PIK3C2G: variants seen among roughly 807,000 people sequenced by gnomAD.
PIK3C2G encodes phosphatidylinositol 3-kinase C2 domain-containing subunit gamma.
In PIK3C2G, 168 loss-of-function variants were observed where a neutral mutation model predicts 181.1. The observed-to-expected ratio is 0.93, with a 90% confidence interval of 0.82 to 1.05. PIK3C2G has a LOEUF of 1.05. Among genes scored for constraint, PIK3C2G ranks in the 50% least tolerant of loss-of-function variants. PIK3C2G has a pLI of 0.00. For missense variants in PIK3C2G, 1,869 were observed against 1,732.8 expected (o/e 1.08, Z -1.40); for synonymous variants, 573 against 592.2 (o/e 0.97, Z 0.47).
chr12:18,559,866 A>AGG (rs1491532709), intron 26 of PIK3C2G, among the ~76,000 whole-genome samples: 10 of 124,114 alleles, frequency 8.1e-5, no homozygotes, highest in Non-Finnish European at 1.3e-4. Flanking sequence ...AGAGAGAGAG[A>AGG]CAGTTTTGCT....
In PIK3C2G at chr12:18,609,589, A is replaced by C. The variant is rs776357276; in HGVS notation, c.4142A>C (p.Asp1381Ala). ...PKVQLVISYE[D>A]VKLTILVKHM... ...GTGCAGTTAGTCATATCCTACGAGGATGTGAAGCTGACCATACTAGTGAAA... is the reference window on the plus strand; with the variant it reads ...GTGCAGTTAGTCATATCCTACGAGGCTGTGAAGCTGACCATACTAGTGAAA... The change falls in exon 31 of 33, where the codon GAT becomes GCT. Residue 1381 changes from aspartate to alanine, a missense_variant. Physicochemically the swap from Asp to Ala is moderately radical, Grantham distance 126. Coordinates refer to ENST00000538779, the MANE Select transcript of PIK3C2G (RefSeq NM_001288772.2). The C allele has an allele frequency of 1.3e-6, 2 of 1,587,846 alleles. No individual in the cohort carries two copies. Among genetic ancestry groups the C allele is most frequent in the Non-Finnish European group, 1.7e-6 (2 of 1,165,366 alleles).
chr12:18,641,151 A>T (rs1949819694), intron 32 of PIK3C2G, among the ~76,000 whole-genome samples: 2 of 151,842 alleles, frequency 1.3e-5, no homozygotes, highest in Non-Finnish European at 2.9e-5. Context: ...CATCCACAGG[A>T]TCCTCCACTC....
chr12:18,636,755 A>G (rs1457669933), intron 31 of PIK3C2G, among the ~76,000 whole-genome samples: 1 of 151,976 alleles, frequency 6.6e-6, no homozygotes, highest in Non-Finnish European at 1.5e-5. Flanking sequence ...GGTGGGATTC[A>G]CCCCCAACCC....
At chr12:18,431,029 A>G (rs780532009) in intron 18 of PIK3C2G, among the ~76,000 whole-genome samples, 14 of 152,058 alleles carry the variant, frequency 9.2e-5, no homozygotes, top group Non-Finnish European at 2.1e-4. Flanking sequence ...CTTTAAATAA[A>G]GCAAAAAGAT....
At chr12:18,700,118 A>G in the PIK3C2G span, among the ~76,000 whole-genome samples, 1 of 152,186 alleles carries the variant, frequency 6.6e-6, no homozygotes, top group Non-Finnish European at 1.5e-5. Flanking sequence ...GGGAACAAAA[A>G]AATATTTAAT....
the PIK3C2G span, among the ~76,000 whole-genome samples, chr12:18,680,428 T>C: frequency 1.3e-5 from 2 of 152,080 alleles, no homozygotes; most frequent in South Asian, 4.1e-4. Flanking sequence ...GGAAGCTTCC[T>C]CACACCTCTT....
In PIK3C2G at chr12:18,594,548, GAA is replaced by G; in HGVS notation, c.4067_4068del (p.Glu1356ValfsTer8). Reference protein sequence around the residue: ...LSEAVQQTVEESSPVYLGEKF... With the variant: ...LSEAVQQTVEXSSPVYLGEKF... ...TGAGGCTGTGCAACAAACAGTTGAA[GAA>G]TCATCACCTGTGTACCTAGGTAAGT... On this transcript the variant is annotated frameshift_variant, in exon 30 of 33. Coordinates refer to ENST00000538779, the MANE Select transcript of PIK3C2G (RefSeq NM_001288772.2). LOFTEE classifies it high-confidence loss of function. The G allele has an allele frequency of 1.9e-6, 3 of 1,550,374 alleles. No homozygotes were observed. The African/African-American group carries it at 4.2e-5, about 22-fold the overall frequency.
the PIK3C2G span, chr12:18,684,359 T>C: frequency 7.1e-7 from 1 of 1,401,542 alleles, no homozygotes; most frequent in Admixed American, 1.9e-5. Flanking sequence ...TTCTCCAAAC[T>C]TTTTCTTTTC....
chr12:18,534,126 T>C, intron 24 of PIK3C2G, among the ~76,000 whole-genome samples: 1 of 151,576 alleles, frequency 6.6e-6, no homozygotes, highest in Non-Finnish European at 1.5e-5. Context: ...ACTTTTGTAT[T>C]TTTTGTAGAG....
intron 18 of PIK3C2G, among the ~76,000 whole-genome samples, chr12:18,448,785 T>A (rs377257198): frequency 1.3e-5 from 2 of 151,766 alleles, no homozygotes; most frequent in East Asian, 3.9e-4. Context: ...AAACATCTTA[T>A]ATTGAAACAA....
At chr12:18,399,051 C>A (rs1944064520) in intron 15 of PIK3C2G, among the ~76,000 whole-genome samples, 1 of 138,496 alleles carries the variant, frequency 7.2e-6, no homozygotes, top group South Asian at 2.3e-4. Context: ...AAAAATTAGC[C>A]GGGCGTAGTG....
chr12:18,596,331 T>G (rs983447993), intron 30 of PIK3C2G, among the ~76,000 whole-genome samples: 1 of 152,042 alleles, frequency 6.6e-6, no homozygotes, highest in African/African-American at 2.4e-5. Context: ...TACAAATTAT[T>G]ACACTAAATA....
At chr12:18,294,378 C>A (rs1354807564) in intron 5 of PIK3C2G, among the ~76,000 whole-genome samples, 1 of 151,948 alleles carries the variant, frequency 6.6e-6, no homozygotes, top group Non-Finnish European at 1.5e-5. Context: ...TAGAACTGAT[C>A]ACAGCTAAGT....
intron 31 of PIK3C2G, among the ~76,000 whole-genome samples, chr12:18,615,721 C>T (rs1355589079): frequency 6.6e-6 from 1 of 151,876 alleles, no homozygotes; most frequent in African/African-American, 2.4e-5. Flanking sequence ...TTCTCAAAAT[C>T]CTATTCAACA....
intron 18 of PIK3C2G, among the ~76,000 whole-genome samples, chr12:18,485,201 G>C (rs1331564954): frequency 6.6e-6 from 1 of 152,162 alleles, no homozygotes; most frequent in Non-Finnish European, 1.5e-5. Context: ...GGGATGATGT[G>C]ATTACTCTGT....
intron 3 of PIK3C2G, among the ~76,000 whole-genome samples, chr12:18,287,964 C>T (rs1431617780): frequency 2.0e-5 from 3 of 152,060 alleles, no homozygotes; most frequent in Non-Finnish European, 1.5e-5. Context: ...GAGTTCGAGA[C>T]CAGCCTGGCC....
chr12:18,695,002 A>G, the PIK3C2G span: 5 of 1,611,328 alleles, frequency 3.1e-6, no homozygotes, highest in African/African-American at 1.3e-5. Flanking sequence ...TTCAAAATAT[A>G]TCCAGAACCA....
intron 22 of PIK3C2G, among the ~76,000 whole-genome samples, chr12:18,500,082 G>A (rs1941309672): frequency 6.6e-6 from 1 of 152,188 alleles, no homozygotes; most frequent in African/African-American, 2.4e-5. Flanking sequence ...GCTGCTGTGT[G>A]GGAGCCCCTT....
chr12:18,403,074 T>C (rs1944340055), intron 16 of PIK3C2G, among the ~76,000 whole-genome samples: 1 of 152,176 alleles, frequency 6.6e-6, no homozygotes. Flanking sequence ...ATAAACATGC[T>C]AGGCTATTTA....
Sources: allele counts gnomAD v4.1 joint callset (sites outside exome capture counted in the v4.1 genomes callset), GRCh38; gene constraint gnomAD v4.1.1; transcripts MANE v1.5; gene names NCBI Gene and HGNC (gene_info 2026-07-23, HGNC 2026-07-21).